The following SLC25A21 variants were observed in gnomAD, a reference collection of about 807,000 sequenced individuals.
The protein encoded by SLC25A21 is mitochondrial 2-oxodicarboxylate carrier.
SLC25A21 carries 47 observed loss-of-function variants against 43.8 expected under a neutral mutation model. The observed-to-expected ratio is 1.07, with a 90% CI of 0.85 to 1.37. The LOEUF (loss-of-function observed/expected upper bound fraction) is 1.37. Ranked by LOEUF, SLC25A21 falls within the 40% of genes most tolerant of loss-of-function variation. The probability of loss-of-function intolerance (pLI) is 0.00; values close to 1 mark genes in which losing one functional copy is unlikely to be tolerated. For synonymous variants in SLC25A21, 131 were observed against 121.3 expected, an observed-to-expected ratio of 1.08 and a Z score of -0.52; for missense variants, 352 against 350.2, an observed-to-expected ratio of 1.00 and a Z score of -0.04.
intron 1 of SLC25A21, among the ~76,000 whole-genome samples, chr14:37,003,436 A>G (rs1960531342): frequency 6.6e-6 from 1 of 152,186 alleles, no homozygotes; most frequent in African/African-American, 2.4e-5. Flanking sequence ...TGGAAAACTA[A>G]AACTATGGAA....
intron 2 of SLC25A21, among the ~76,000 whole-genome samples, chr14:36,816,497 C>CT (rs373274280): frequency 0.16 from 21,391 of 131,794 alleles, 1,976 homozygotes; most frequent in Non-Finnish European, 0.2. Flanking sequence ...ATATTCTCCT[C>CT]TTTTTTTTTT....
At chr14:36,749,965 C>T (rs1198443014) in intron 3 of SLC25A21, among the ~76,000 whole-genome samples, 1 of 152,130 alleles carries the variant, frequency 6.6e-6, no homozygotes, top group African/African-American at 2.4e-5. Context: ...CTGTTGTTCC[C>T]ACTAAGATGT....
chr14:37,077,344 T>G (rs1038181177), intron 1 of SLC25A21, among the ~76,000 whole-genome samples: 1 of 152,180 alleles, frequency 6.6e-6, no homozygotes, highest in Non-Finnish European at 1.5e-5. Flanking sequence ...ACATCTGCTT[T>G]TACTTACTTT....
chr14:36,971,571 C>T (rs977949048), intron 1 of SLC25A21, among the ~76,000 whole-genome samples: 1 of 152,020 alleles, frequency 6.6e-6, no homozygotes, highest in African/African-American at 2.4e-5. Flanking sequence ...CTCAAGCCTC[C>T]CTATAAAATC....
At chr14:37,057,187 C>T (rs766829514) in intron 1 of SLC25A21, among the ~76,000 whole-genome samples, 16 of 152,154 alleles carry the variant, frequency 1.1e-4, no homozygotes, top group Non-Finnish European at 2.2e-4. Flanking sequence ...GTCACCAGCT[C>T]CCTAACTATT....
chr14:36,714,242 A>G (rs1884020873), intron 6 of SLC25A21, among the ~76,000 whole-genome samples: 1 of 152,230 alleles, frequency 6.6e-6, no homozygotes, highest in Non-Finnish European at 1.5e-5. Flanking sequence ...CTGGAATCTG[A>G]TTTGAGGGAG....
intron 2 of SLC25A21, among the ~76,000 whole-genome samples, chr14:36,840,767 T>C (rs1889360483): frequency 6.6e-6 from 1 of 152,210 alleles, no homozygotes; most frequent in Non-Finnish European, 1.5e-5. Flanking sequence ...CCAAAATTTG[T>C]AGATGAATAA....
At chr14:36,821,614 C>T (rs778975183) in intron 2 of SLC25A21, among the ~76,000 whole-genome samples, 2 of 151,980 alleles carry the variant, frequency 1.3e-5, no homozygotes, top group Admixed American at 6.6e-5. Flanking sequence ...GTCAGGAGTT[C>T]GAGACTAGCC....
At chr14:36,807,664 C>T (rs548059182) in intron 3 of SLC25A21, among the ~76,000 whole-genome samples, 14 of 152,250 alleles carry the variant, frequency 9.2e-5, no homozygotes, top group African/African-American at 2.2e-4. Context: ...CTAGGTAAAC[C>T]ACTTTTTGAA....
chr14:36,863,450 G>T (rs180757065), intron 2 of SLC25A21, among the ~76,000 whole-genome samples: 7 of 152,024 alleles, frequency 4.6e-5, no homozygotes, highest in South Asian at 2.1e-4. Context: ...CAAAGGTTCC[G>T]CAATGTGAGT....
At chr14:36,825,277 C>A (rs992702279) in intron 2 of SLC25A21, among the ~76,000 whole-genome samples, 2 of 151,266 alleles carry the variant, frequency 1.3e-5, no homozygotes, top group Non-Finnish European at 2.9e-5. Context: ...TCCTCTTTCT[C>A]TTTCTCTTAA....
intron 3 of SLC25A21, among the ~76,000 whole-genome samples, chr14:36,804,186 T>A (rs1259509557): frequency 6.6e-6 from 1 of 152,204 alleles, no homozygotes; most frequent in African/African-American, 2.4e-5. Context: ...TTCTTGTACA[T>A]AGACCAGAAA....
chr14:36,882,882 C>A (rs1890778301), intron 1 of SLC25A21, among the ~76,000 whole-genome samples: 1 of 151,868 alleles, frequency 6.6e-6, no homozygotes, highest in African/African-American at 2.4e-5. Flanking sequence ...CTGGATGCTT[C>A]CGTCTCTCTC....
chr14:36,709,900 G>A (rs1008032167), intron 7 of SLC25A21, among the ~76,000 whole-genome samples: 3 of 152,196 alleles, frequency 2.0e-5, no homozygotes, highest in Non-Finnish European at 2.9e-5. Flanking sequence ...CGTGAAAAAT[G>A]TTACCCCAAC....
chr14:36,973,666 A>C (rs140059045), intron 1 of SLC25A21, among the ~76,000 whole-genome samples: 14 of 152,352 alleles, frequency 9.2e-5, no homozygotes, highest in African/African-American at 3.4e-4. Flanking sequence ...TATATAAGAC[A>C]ATAGGTTTTT....
chr14:36,764,821 G>A (rs1207234597), intron 3 of SLC25A21, among the ~76,000 whole-genome samples: 1 of 152,144 alleles, frequency 6.6e-6, no homozygotes, highest in Non-Finnish European at 1.5e-5. Flanking sequence ...CTGATGGCAG[G>A]TCCCCAGCAG....
rs185430369 is a variant in SLC25A21 at position 36,819,430 on chromosome 14, C to T, written c.120-5429G>A. Among the ~76,000 whole-genome samples the T allele has an allele frequency of 6.6e-5, 10 of 152,080 alleles. No homozygotes were observed. In the South Asian group the frequency reaches 1.2e-3, roughly 19 times the overall value. On this transcript the variant is annotated intron_variant, in intron 2 of 9. Transcript: ENST00000331299. ...GCTGAGAATCATGACTGCAGCATTTCGCACTGTCTTCATTGTGTGCTCAGT... is the reference window on the plus strand; with the variant it reads ...GCTGAGAATCATGACTGCAGCATTTTGCACTGTCTTCATTGTGTGCTCAGT...
intron 1 of SLC25A21, among the ~76,000 whole-genome samples, chr14:37,048,281 C>T (rs1012201029): frequency 2.0e-5 from 3 of 152,118 alleles, no homozygotes; most frequent in Admixed American, 6.5e-5. Context: ...ACAGACCCTA[C>T]AAATACATAT....
At chr14:36,913,104 T>A (rs1187096147) in intron 1 of SLC25A21, among the ~76,000 whole-genome samples, 1 of 64,584 alleles carries the variant, frequency 1.5e-5, no homozygotes, top group Non-Finnish European at 3.0e-5. Flanking sequence ...CACTTTTTTC[T>A]TTTCATTTCA....
Sources: gnomAD v4.1 joint callset for allele counts (sites outside exome capture counted in the v4.1 genomes callset) on GRCh38, gnomAD v4.1.1 for gene constraint, MANE v1.5 for transcripts, NCBI Gene and HGNC (gene_info 2026-07-23, HGNC 2026-07-21) for gene names.